HERC2: variants seen among roughly 807,000 people sequenced by gnomAD.
The protein encoded by HERC2 is HECT and RLD domain containing E3 ubiquitin protein ligase 2.
Under a neutral mutation model 537.7 loss-of-function variants are expected in HERC2, and 102 were observed. The ratio of observed to expected loss-of-function variants is 0.19; its 90% CI spans 0.16 to 0.22. The LOEUF (loss-of-function observed/expected upper bound fraction) is 0.22, where lower values mean the gene tolerates loss of function less well. Among genes scored for constraint, HERC2 ranks in the 10% least tolerant of loss-of-function variants. The pLI, the probability that HERC2 is intolerant of heterozygous loss-of-function variation, is 1.00. For missense variants in HERC2, 4,236 were observed against 6,198.2 expected, an observed-to-expected ratio of 0.68 and a Z score of 10.63; for synonymous variants, 2,224 against 2,466.2, an observed-to-expected ratio of 0.90 and a Z score of 2.91.
At chr15:28,192,984 A>C (rs945974056) in intron 52 of HERC2, among the ~76,000 whole-genome samples, 21 of 152,126 alleles carry the variant, frequency 1.4e-4, no homozygotes, top group Non-Finnish European at 4.4e-5. Flanking sequence ...CAATCAATGA[A>C]TGCTGATTAA....
intron 16 of HERC2, 67 bp downstream of exon 16, chr15:28,260,710 A>T: frequency 3.1e-6 from 4 of 1,309,956 alleles, no homozygotes; most frequent in Non-Finnish European, 4.3e-6. Context: ...TATTTTCTAC[A>T]TACTGGTAAT....
chr15:28,211,083 G>A lies in HERC2; in HGVS notation c.6988C>T (p.Arg2330Trp), dbSNP rs376972283. 4.0e-5 allele frequency: 65 copies of A among 1,611,568 alleles called. 1 individual carries two copies. Among genetic ancestry groups the A allele is most frequent in the African/African-American group, 8.0e-5 (6 of 74,834 alleles). The change falls in exon 44 of 93, where the codon CGG becomes TGG. Residue 2330 changes from arginine to tryptophan, a missense_variant. Around this residue, in one of 27 missense-constraint regions of HERC2, gnomAD observed 67 missense variants for 140.1 expected, o/e 0.48. Coordinates refer to ENST00000261609, the MANE Select transcript of HERC2 (RefSeq NM_004667.6). ...QLKLYILKAG[R>W]ALLSHQDKLR... ...TTATCCTGGTGGGAGAGCAGCGCCCGACCTGCTTTCAGGATGTATAGCTTC... is the reference window on the plus strand; with the variant it reads ...TTATCCTGGTGGGAGAGCAGCGCCCAACCTGCTTTCAGGATGTATAGCTTC...
chr15:28,151,905 G>C (rs1390674876), intron 70 of HERC2, among the ~76,000 whole-genome samples: 1 of 152,182 alleles, frequency 6.6e-6, no homozygotes, highest in East Asian at 1.9e-4. Context: ...AGGATGAAGG[G>C]AAATGCCTCT....
At chr15:28,299,588 G>A in intron 2 of HERC2, 72 bp from the exon 3 acceptor site, 1 of 769,218 alleles carries the variant, frequency 1.3e-6, no homozygotes, top group Non-Finnish European at 2.3e-6. Context: ...AATGATATGG[G>A]AAAAAAATCT....
At chr15:28,147,078 T>C (rs1016108196) in intron 70 of HERC2, among the ~76,000 whole-genome samples, 3 of 143,552 alleles carry the variant, frequency 2.1e-5, no homozygotes, top group Non-Finnish European at 4.5e-5. Context: ...AGGCAGCTAG[T>C]ATGTGGTTGC....
rs767857460 is a variant in HERC2, at chr15:28,246,896, A to T, written c.3237T>A (p.Ser1079Arg). ...AGGAACCAACACCCATTAGCTCTGG[A>T]CCTTGAAGAAGGATTGAGAAATTTT... ...ESIGQTSDIS[S>R]PELMGVGSLL... Residue 1079 changes from serine to arginine, a missense_variant and splice_region_variant, in exon 22 of 93, where the codon AGT becomes AGA. Physicochemically the swap from Ser to Arg is moderately radical, Grantham distance 110 (BLOSUM62 -1). Coordinates refer to ENST00000261609, the MANE Select transcript of HERC2 (RefSeq NM_004667.6). 1 of 1,594,728 alleles carries T rather than the reference A, an allele frequency of 6.3e-7. No homozygotes were observed. Among genetic ancestry groups the T allele is most frequent in the Non-Finnish European group, 8.5e-7 (1 of 1,174,966 alleles).
At position 28,234,144 on chromosome 15, in the gene HERC2, G is replaced by A. The variant is rs200412833; in HGVS notation, c.4144C>T (p.Arg1382Trp). The A allele has an allele frequency of 3.9e-4, 326 of 829,818 alleles. 2 individuals carry two copies. The African/African-American group carries it at 4.6e-3, about 12-fold the overall frequency. The allele number at this position is 829,818 out of a possible 1,614,324, so 51.4% of individuals were successfully genotyped here. Residue 1382 changes from arginine (R) to tryptophan (W), a missense_variant, in exon 27 of 93, where the codon CGG becomes TGG. Arg to Trp is a moderately radical substitution (Grantham distance 101). Coordinates refer to ENST00000261609, the MANE Select transcript of HERC2 (RefSeq NM_004667.6). ...ASKSRLCSHR[R>W]ALGDHSQAFL... Reference sequence around the variant, plus strand: ...GCCTGGGAATGGTCCCCCAGGGCCCGTCTGTGGGAGCAGAGTCGAGATTTG... The same window carrying A: ...GCCTGGGAATGGTCCCCCAGGGCCCATCTGTGGGAGCAGAGTCGAGATTTG...
chr15:28,111,524 A>G lies in HERC2; in HGVS notation c.*239T>C, dbSNP rs888506337. The G allele has an allele frequency of 7.2e-5, 41 of 567,702 alleles. No individual in the cohort carries two copies. The highest frequency in any genetic ancestry group is 9.4e-6 in the Non-Finnish European group (3 of 320,422). The allele number at this position is 567,702 out of a possible 1,614,324, so 35.2% of individuals were successfully genotyped here. On this transcript the variant is annotated 3_prime_UTR_variant, in exon 93 of 93. Transcript: ENST00000261609. ...TTTAGTAAACACAGTCCTACATGTA[A>G]TGCAGCATTACGGGTGAGAAGACCC...
intron 78 of HERC2, among the ~76,000 whole-genome samples, chr15:28,136,059 C>G (rs1035352649): frequency 1.9e-4 from 28 of 151,226 alleles, no homozygotes; most frequent in African/African-American, 6.1e-4. Flanking sequence ...CAAAACATAC[C>G]CATAAAAGAA....
Position 28,292,958 on chromosome 15 carries a change from T to C in HERC2, c.252A>G (p.Glu84=). 6.2e-7 allele frequency: 1 copy of C among 1,611,320 alleles called. No individual in the cohort carries two copies. The highest frequency in any genetic ancestry group is 1.1e-5 in the South Asian group (1 of 90,894). ...EDLNDKEKKD[E]EETPAPIYRA... ...TATATATAGGTGCAGGAGTTTCTTCTTCATCTTTTTTCTCTTTGTCATTCA... is the reference window on the plus strand; with the variant it reads ...TATATATAGGTGCAGGAGTTTCTTCCTCATCTTTTTTCTCTTTGTCATTCA... Residue 84 remains glutamate, a synonymous_variant, in exon 4 of 93, where the codon GAA becomes GAG. Coordinates refer to ENST00000261609, the MANE Select transcript of HERC2 (RefSeq NM_004667.6).
chr15:28,154,769 A>G (rs1892810062), intron 69 of HERC2, among the ~76,000 whole-genome samples: 1 of 152,176 alleles, frequency 6.6e-6, no homozygotes, highest in Admixed American at 6.5e-5. Context: ...TTTTATATAT[A>G]TATTTTTTTA....
Position 28,182,488 on chromosome 15 carries a change from C to A in HERC2, c.8850G>T (p.Gly2950=). Residue 2950 remains glycine (G), a synonymous_variant, in exon 57 of 93, where the codon GGG becomes GGT. Coordinates refer to ENST00000261609, the MANE Select transcript of HERC2 (RefSeq NM_004667.6). ...TTCTTATCGTAGCTGCTGATTCCAG[C>A]CCAGCAGCCTTCTTTCTAATGAGGC... is the stretch of plus-strand genomic sequence containing the variant. The part of the protein sequence containing the change: ...SGSLIRKKAA[G]LESAATIRTK... 6.2e-7 allele frequency: 1 copy of A among 1,612,996 alleles called. No homozygotes were observed. The highest frequency in any genetic ancestry group is 1.7e-5 in the Admixed American group (1 of 59,950).
In HERC2 at chr15:28,230,508, T is replaced by C; in HGVS notation, c.4676-8A>G. On this transcript the variant is annotated splice_polypyrimidine_tract_variant and splice_region_variant and intron_variant, in intron 30 of 92. Transcript: ENST00000261609. ...ATTCTGGCTTCTTAGGAACTGTGTT[T>C]TAAAACATCATTCACTATAAAAATC... 8.6e-7 allele frequency: 1 copy of C among 1,167,348 alleles called. No homozygotes were observed. Among genetic ancestry groups the C allele is most frequent in the East Asian group, 2.3e-5 (1 of 42,656 alleles). The allele number at this position is 1,167,348 out of a possible 1,614,324, so 72.3% of individuals were successfully genotyped here.
At chr15:28,303,857 G>A (rs2141227360) in intron 2 of HERC2, among the ~76,000 whole-genome samples, 1 of 152,220 alleles carries the variant, frequency 6.6e-6, no homozygotes, top group African/African-American at 2.4e-5. Context: ...ATTGTTCACT[G>A]TTGACATACA....
Position 28,234,137 on chromosome 15 carries a change from A to G in HERC2, c.4151T>C (p.Leu1384Pro). The G allele has an allele frequency of 2.5e-6, 2 of 805,404 alleles. No individual in the cohort carries two copies. The highest frequency in any genetic ancestry group is 1.4e-5 in the South Asian group (1 of 73,588). The allele number at this position is 805,404 out of a possible 1,614,324, so 49.9% of individuals were successfully genotyped here. Residue 1384 changes from leucine (L) to proline (P), a missense_variant, in exon 27 of 93, where the codon CTG becomes CCG. Coordinates refer to ENST00000261609, the MANE Select transcript of HERC2 (RefSeq NM_004667.6). ...KSRLCSHRRA[L>P]GDHSQAFLQA... ...CAGAAATGCCTGGGAATGGTCCCCCAGGGCCCGTCTGTGGGAGCAGAGTCG... is the reference window on the plus strand; with the variant it reads ...CAGAAATGCCTGGGAATGGTCCCCCGGGGCCCGTCTGTGGGAGCAGAGTCG...
In HERC2 at chr15:28,256,108, A is replaced by C; in HGVS notation, c.2727T>G (p.Ser909=). 1 of 1,603,148 alleles carries C rather than the reference A, an allele frequency of 6.2e-7. No homozygotes were observed. Among genetic ancestry groups the C allele is most frequent in the East Asian group, 2.2e-5 (1 of 44,834 alleles). Reference sequence around the variant, plus strand: ...GCCCACCTGCGCAGGGCAGGAGAGCAGAGAGTGCCCGGGCCCGCTCCTCCG... The same window carrying C: ...GCCCACCTGCGCAGGGCAGGAGAGCCGAGAGTGCCCGGGCCCGCTCCTCCG... ...PTAEERARAL[S]ALLPCAVSGN... The change falls in exon 18 of 93, where the codon TCT becomes TCG. Residue 909 remains serine, a synonymous_variant. Coordinates refer to ENST00000261609, the MANE Select transcript of HERC2 (RefSeq NM_004667.6).
intron 12 of HERC2, among the ~76,000 whole-genome samples, chr15:28,267,524 T>C (rs1397052298): frequency 6.6e-6 from 1 of 152,184 alleles, no homozygotes; most frequent in Non-Finnish European, 1.5e-5. Flanking sequence ...TACAATCCAG[T>C]GTGAGAGTAA....
At chr15:28,261,577 G>A (rs2075416243) in intron 15 of HERC2, among the ~76,000 whole-genome samples, 1 of 152,024 alleles carries the variant, frequency 6.6e-6, no homozygotes, top group South Asian at 2.1e-4. Flanking sequence ...GTTAACATCA[G>A]CAACAAAAAA....
In HERC2 at chr15:28,163,313, C is replaced by A. The variant is rs1376202749; in HGVS notation, c.10555-28G>T. The A allele has an allele frequency of 3.1e-6, 5 of 1,597,344 alleles. No homozygotes were observed. In the South Asian group the frequency reaches 5.6e-5, roughly 18 times the overall value. On this transcript the variant is annotated intron_variant, in intron 68 of 92. Coordinates refer to ENST00000261609, the MANE Select transcript of HERC2 (RefSeq NM_004667.6). ...AAGTCAAATGACATCCAACAATTAA[C>A]ATGAGGAATGATATGCTAAGAGATA...
Sources: gnomAD v4.1 joint callset for allele counts (sites outside exome capture counted in the v4.1 genomes callset) on GRCh38, gnomAD v4.1.1 for gene constraint, gnomAD v4.1.1 regional missense constraint, MANE v1.5 for transcripts, NCBI Gene and HGNC (gene_info 2026-07-23, HGNC 2026-07-21) for gene names.